Variants in PTPRJ observed in about 807,000 individuals in gnomAD.
The protein encoded by PTPRJ is receptor-type tyrosine-protein phosphatase eta.
PTPRJ carries 129 observed loss-of-function variants against 141.3 expected under a neutral mutation model. The observed-to-expected ratio is 0.91, with a 90% CI of 0.79 to 1.06. The LOEUF (loss-of-function observed/expected upper bound fraction) is 1.06. Among genes scored for constraint, PTPRJ ranks in the 50% least tolerant of loss-of-function variants. The pLI, the probability that PTPRJ is intolerant of heterozygous loss-of-function variation, is 0.00. For synonymous variants in PTPRJ, 610 were observed against 640.5 expected, an observed-to-expected ratio of 0.95 and a Z score of 0.72; for missense variants, 1,601 against 1,679.7, an observed-to-expected ratio of 0.95 and a Z score of 0.82.
chr11:47,994,921 C>T (rs2134183459), intron 1 of PTPRJ, among the ~76,000 whole-genome samples: 1 of 152,246 alleles, frequency 6.6e-6, no homozygotes, highest in East Asian at 1.9e-4. Flanking sequence ...TGCAGACCCT[C>T]TGGGGGTGTG....
At chr11:48,111,731 G>A (rs897004049) in intron 2 of PTPRJ, among the ~76,000 whole-genome samples, 13 of 152,100 alleles carry the variant, frequency 8.5e-5, no homozygotes, top group African/African-American at 3.1e-4. Context: ...TTTACCCTGG[G>A]AAGTGAGAGT....
At chr11:47,984,780 A>C (rs1258033633) in intron 1 of PTPRJ, among the ~76,000 whole-genome samples, 3 of 151,528 alleles carry the variant, frequency 2.0e-5, no homozygotes, top group Non-Finnish European at 4.4e-5. Context: ...GCTGGTCTTG[A>C]ACTCCTGACC....
intron 4 of PTPRJ, 95 bp downstream of exon 4, chr11:48,121,361 A>G: frequency 5.2e-6 from 7 of 1,355,582 alleles, no homozygotes; most frequent in South Asian, 1.4e-5. Context: ...TGGAAAGAGA[A>G]TGGTTTTCAT....
At chr11:48,121,506 T>C (rs558222635) in intron 4 of PTPRJ, among the ~76,000 whole-genome samples, 7 of 152,340 alleles carry the variant, frequency 4.6e-5, no homozygotes, top group South Asian at 2.1e-4. Flanking sequence ...TCTTTTGTTA[T>C]TGTTGGTTAA....
chr11:48,072,326 G>A (rs1855284046), intron 1 of PTPRJ, among the ~76,000 whole-genome samples: 1 of 152,208 alleles, frequency 6.6e-6, no homozygotes, highest in South Asian at 2.1e-4. Context: ...CATGGCAGAA[G>A]TACAGAAGGG....
chr11:47,980,594 G>C lies in PTPRJ; in HGVS notation c.-319G>C, dbSNP rs1253574141. 1 of 983,120 alleles carries C rather than the reference G, an allele frequency of 1.0e-6. No homozygotes were observed. The highest frequency in any genetic ancestry group is 1.8e-5 in the African/African-American group (1 of 56,938). The allele number at this position is 983,120 out of a possible 1,614,324, so 60.9% of individuals were successfully genotyped here. A position where few individuals can be genotyped will look rare whatever the true frequency, so the allele number is the denominator to read the frequency against. On this transcript the variant is annotated 5_prime_UTR_variant, in exon 1 of 25. Coordinates refer to ENST00000418331, the MANE Select transcript of PTPRJ (RefSeq NM_002843.4). ...GCATGACGCGCGGAGGAGGCAGCGGGAGCAGCCGCGGGAGCCGGGACCGGG... is the reference window on the plus strand; with the variant it reads ...GCATGACGCGCGGAGGAGGCAGCGGCAGCAGCCGCGGGAGCCGGGACCGGG...
At chr11:48,114,259 A>C (rs1347880567) in intron 3 of PTPRJ, among the ~76,000 whole-genome samples, 1 of 151,838 alleles carries the variant, frequency 6.6e-6, no homozygotes, top group Non-Finnish European at 1.5e-5. Flanking sequence ...CCAACATGGC[A>C]AAACCCCGTC....
At chr11:48,125,807 A>G (rs567333102) in intron 6 of PTPRJ, among the ~76,000 whole-genome samples, 2 of 152,366 alleles carry the variant, frequency 1.3e-5, no homozygotes, top group East Asian at 3.9e-4. Flanking sequence ...GTGAGAAGCC[A>G]TTCTGTAAGG....
chr11:48,152,088 C>T lies in PTPRJ; in HGVS notation c.3139-1708C>T, dbSNP rs1333358316. Among the ~76,000 whole-genome samples, 11 of 152,206 alleles carry T rather than the reference C, an allele frequency of 7.2e-5. No individual in the cohort carries two copies. In the East Asian group the frequency reaches 1.7e-3, roughly 24 times the overall value. On this transcript the variant is annotated intron_variant, in intron 18 of 24. Coordinates refer to ENST00000418331, the MANE Select transcript of PTPRJ (RefSeq NM_002843.4). ...ACAGTGTAAAAGTGTTGCTATTTCT[C>T]CACATCCTCTCCAGCACCTGTTGTT...
chr11:48,127,998 C>G lies in PTPRJ; in HGVS notation c.1312C>G (p.Leu438Val). The G allele has an allele frequency of 6.2e-7, 1 of 1,613,974 alleles. No homozygotes were observed. Among genetic ancestry groups the G allele is most frequent in the Non-Finnish European group, 8.5e-7 (1 of 1,179,850 alleles). The change falls in exon 7 of 25, where the codon CTA (leucine) becomes GTA (valine). Residue 438 changes from leucine (L) to valine (V), a missense_variant. Transcript: ENST00000418331. ...CTACAACATCACAGTGTGTCCTGTC[C>G]TAGGTGACATCGAGGGCACGCCGGG... The part of the protein sequence containing the change: ...TFYNITVCPV[L>V]GDIEGTPGFL...
chr11:47,995,595 G>A (rs73462874), intron 1 of PTPRJ, among the ~76,000 whole-genome samples: 11,185 of 152,282 alleles, frequency 0.073, 502 homozygotes, highest in African/African-American at 0.13. Flanking sequence ...AGATCCTGGA[G>A]CTATCAGGTG....
At chr11:48,121,564 G>A (rs886452857) in intron 4 of PTPRJ, among the ~76,000 whole-genome samples, 6 of 152,136 alleles carry the variant, frequency 3.9e-5, no homozygotes, top group African/African-American at 1.4e-4. Context: ...CCTTAAAAAC[G>A]CGTGTCTTCA....
intron 1 of PTPRJ, among the ~76,000 whole-genome samples, chr11:48,092,314 A>G (rs1452388810): frequency 3.4e-5 from 5 of 148,438 alleles, no homozygotes; most frequent in African/African-American, 1.3e-4. Context: ...AAAAAAAAAA[A>G]AAAGAAAAAG....
chr11:48,149,614 G>T, intron 16 of PTPRJ, 126 bp downstream of exon 16: 1 of 668,504 alleles, frequency 1.5e-6, no homozygotes, highest in South Asian at 2.2e-5. Context: ...ATGACCATCT[G>T]GAAGTTTTTG....
chr11:48,021,393 A>AAATG (rs1221196293), intron 1 of PTPRJ, among the ~76,000 whole-genome samples: 1 of 118,334 alleles, frequency 8.5e-6, no homozygotes, highest in Non-Finnish European at 1.6e-5. Context: ...ATAAATAAAT[A>AAATG]AATAAATAAA....
intron 1 of PTPRJ, among the ~76,000 whole-genome samples, chr11:48,042,142 T>A (rs1854286200): frequency 6.6e-6 from 1 of 152,170 alleles, no homozygotes. Flanking sequence ...TAGACTGAGT[T>A]CACCTTTTGT....
In PTPRJ at chr11:48,143,769, TCCCTCCTCCCCCTC is replaced by T. The variant is rs1293532023; in HGVS notation, c.2575+739_2575+752del. Among the ~76,000 whole-genome samples the T allele has an allele frequency of 3.4e-4, 48 of 142,874 alleles. No homozygotes were observed. The East Asian group carries it at 5.6e-3, about 17-fold the overall frequency. The allele number at this position is 142,874 out of a possible 152,430, so 93.7% of individuals were successfully genotyped here. A position where few individuals can be genotyped will look rare whatever the true frequency, so the allele number is the denominator to read the frequency against. On this transcript the variant is annotated intron_variant, in intron 12 of 24. Coordinates refer to ENST00000418331, the MANE Select transcript of PTPRJ (RefSeq NM_002843.4). ...AAAGCCCAAGTTTTGTTGTGGGGGT[TCCCTCCTCCCCCTC>T]CCCTCCTCCCCCTCCCCTCTCCTCC...
At chr11:48,155,926 G>C in intron 20 of PTPRJ, 52 bp downstream of exon 20, 1 of 1,591,874 alleles carries the variant, frequency 6.3e-7, no homozygotes, top group Non-Finnish European at 8.6e-7. Flanking sequence ...GAAATCTTCA[G>C]TGTGCTTTGC....
intron 4 of PTPRJ, 48 bp from the exon 5 acceptor site, chr11:48,123,565 G>T: frequency 1.3e-6 from 2 of 1,564,434 alleles, no homozygotes; most frequent in South Asian, 2.4e-5. Flanking sequence ...TAATGAAGGT[G>T]ACTGCATATA....
Sources: allele counts gnomAD v4.1 joint callset (sites outside exome capture counted in the v4.1 genomes callset), GRCh38; gene constraint gnomAD v4.1.1; transcripts MANE v1.5; gene names NCBI Gene and HGNC (gene_info 2026-07-23, HGNC 2026-07-21).